The following PTPRD variants were observed in gnomAD, a reference collection of about 807,000 sequenced individuals.
The protein encoded by PTPRD is protein tyrosine phosphatase receptor type D, also known as receptor-type tyrosine-protein phosphatase delta.
A neutral mutation model predicts 214.5 loss-of-function variants in PTPRD; 34 were observed. The ratio of observed to expected loss-of-function variants is 0.16; its 90% CI spans 0.12 to 0.21. PTPRD has a LOEUF of 0.21. Among genes scored for constraint, PTPRD ranks in the 10% least tolerant of loss-of-function variants. The probability of loss-of-function intolerance (pLI) is 1.00; values close to 1 mark genes in which losing one functional copy is unlikely to be tolerated. For synonymous variants in PTPRD, 1,128 were observed against 845.7 expected (o/e 1.33, Z -5.79); for missense variants, 2,545 against 2,398.7 (o/e 1.06, Z -1.27).
chr9:9,664,726 C>T (rs915550267), intron 7 of PTPRD, among the ~76,000 whole-genome samples: 3 of 151,630 alleles, frequency 2.0e-5, no homozygotes, highest in African/African-American at 7.2e-5. Flanking sequence ...GCAGAATCTC[C>T]TTTTGAAGGA....
intron 5 of PTPRD, among the ~76,000 whole-genome samples, chr9:9,843,623 T>C (rs924471827): frequency 1.3e-5 from 2 of 151,922 alleles, no homozygotes; most frequent in African/African-American, 4.8e-5. Flanking sequence ...CTCATGTAGG[T>C]TTGACTTTAA....
intron 2 of PTPRD, among the ~76,000 whole-genome samples, chr9:10,572,022 A>G (rs546577462): frequency 1.3e-5 from 2 of 152,094 alleles, no homozygotes; most frequent in Non-Finnish European, 2.9e-5. Flanking sequence ...AATACTGTGC[A>G]TGCTTCCTAA....
intron 7 of PTPRD, among the ~76,000 whole-genome samples, chr9:9,640,467 C>G (rs1315787268): frequency 6.6e-6 from 1 of 152,330 alleles, no homozygotes; most frequent in African/African-American, 2.4e-5. Context: ...AGCCTCTGCA[C>G]TTTTCATTTA....
At chr9:9,653,683 G>T (rs1047582475) in intron 7 of PTPRD, among the ~76,000 whole-genome samples, 1 of 152,052 alleles carries the variant, frequency 6.6e-6, no homozygotes, top group Admixed American at 6.5e-5. Flanking sequence ...CTTTGAAATT[G>T]TTTGCTTATA....
At chr9:8,822,619 G>C (rs184592657) in intron 11 of PTPRD, among the ~76,000 whole-genome samples, 2 of 152,266 alleles carry the variant, frequency 1.3e-5, no homozygotes, top group East Asian at 1.9e-4. Context: ...TACAAGTACA[G>C]TATCAATAAC....
intron 8 of PTPRD, among the ~76,000 whole-genome samples, chr9:9,513,021 T>C (rs1168133020): frequency 6.6e-6 from 1 of 151,942 alleles, no homozygotes; most frequent in Non-Finnish European, 1.5e-5. Context: ...GGGATCTAGA[T>C]GTGTTACTGG....
chr9:9,684,838 C>T (rs2097140079), intron 7 of PTPRD, among the ~76,000 whole-genome samples: 1 of 151,488 alleles, frequency 6.6e-6, no homozygotes, highest in Non-Finnish European at 1.5e-5. Flanking sequence ...AATTTAAAGT[C>T]ACACTACTTA....
At chr9:9,105,239 T>C (rs1438428824) in intron 10 of PTPRD, among the ~76,000 whole-genome samples, 1 of 152,166 alleles carries the variant, frequency 6.6e-6, no homozygotes, top group Non-Finnish European at 1.5e-5. Context: ...GGTGGCCTTA[T>C]TCAACTCCAA....
chr9:9,036,879 C>G (rs978477244), intron 10 of PTPRD, among the ~76,000 whole-genome samples: 5 of 152,156 alleles, frequency 3.3e-5, no homozygotes, highest in Non-Finnish European at 7.4e-5. Flanking sequence ...CAACAGAACA[C>G]ATCCAACATC....
intron 8 of PTPRD, among the ~76,000 whole-genome samples, chr9:9,422,840 A>G (rs896417109): frequency 3.9e-5 from 6 of 152,132 alleles, no homozygotes; most frequent in African/African-American, 1.2e-4. Context: ...TTACAAGGTA[A>G]AAGGCTATGA....
At chr9:10,365,481 T>C (rs1191324179) in intron 2 of PTPRD, among the ~76,000 whole-genome samples, 3 of 152,202 alleles carry the variant, frequency 2.0e-5, no homozygotes, top group Non-Finnish European at 4.4e-5. Flanking sequence ...AGCTTGACAG[T>C]TTTTATTTAT....
intron 6 of PTPRD, among the ~76,000 whole-genome samples, chr9:9,761,784 C>T (rs2098659615): frequency 6.6e-6 from 1 of 152,124 alleles, no homozygotes; most frequent in Admixed American, 6.6e-5. Flanking sequence ...CCCCTTCCCC[C>T]CACTCTGTAT....
intron 3 of PTPRD, among the ~76,000 whole-genome samples, chr9:10,199,249 A>C (rs1412921071): frequency 6.6e-6 from 1 of 152,080 alleles, no homozygotes; most frequent in East Asian, 1.9e-4. Context: ...TCTATTTCTT[A>C]CCGTAATTAC....
chr9:8,711,228 G>A (rs1399594456), intron 12 of PTPRD, among the ~76,000 whole-genome samples: 2 of 151,532 alleles, frequency 1.3e-5, no homozygotes, highest in Non-Finnish European at 2.9e-5. Flanking sequence ...GGTAATTAAG[G>A]AAGCTCATTT....
intron 11 of PTPRD, among the ~76,000 whole-genome samples, chr9:8,919,997 A>C (rs571527967): frequency 6.8e-6 from 1 of 146,810 alleles, no homozygotes; most frequent in Non-Finnish European, 1.5e-5. Flanking sequence ...AATCAGGAGT[A>C]TATATATATA....
chr9:9,536,924 G>A (rs921633216), intron 8 of PTPRD, among the ~76,000 whole-genome samples: 1 of 151,994 alleles, frequency 6.6e-6, no homozygotes, highest in Non-Finnish European at 1.5e-5. Context: ...AAAGGGTAGT[G>A]TAGTGTAGAG....
intron 5 of PTPRD, among the ~76,000 whole-genome samples, chr9:9,903,819 T>G (rs1439254957): frequency 3.3e-5 from 5 of 152,146 alleles, no homozygotes; most frequent in African/African-American, 1.2e-4. Flanking sequence ...AGCACCATCA[T>G]GACTATGCAT....
chr9:9,618,172 C>A (rs1309902054), intron 7 of PTPRD, among the ~76,000 whole-genome samples: 1 of 126,690 alleles, frequency 7.9e-6, no homozygotes, highest in Non-Finnish European at 1.6e-5. Context: ...TTCCTTAATA[C>A]ATAAAAGGAA....
intron 9 of PTPRD, among the ~76,000 whole-genome samples, chr9:9,261,696 G>A (rs1454472639): frequency 6.6e-6 from 1 of 151,184 alleles, no homozygotes; most frequent in Non-Finnish European, 1.5e-5. Context: ...GAGGGGTTGT[G>A]AATCAAGGCA....
Sources: gnomAD v4.1 joint callset for allele counts (sites outside exome capture counted in the v4.1 genomes callset) on GRCh38, gnomAD v4.1.1 for gene constraint, MANE v1.5 for transcripts, NCBI Gene and HGNC (gene_info 2026-07-23, HGNC 2026-07-21) for gene names.